Variants in BORCS8 observed in about 807,000 individuals in gnomAD.
BORCS8 encodes BLOC-1 related complex subunit 8, also known as BLOC-1-related complex subunit 8.
BORCS8 carries 13 observed loss-of-function variants against 18.7 expected under a neutral mutation model. The observed-to-expected ratio is 0.70, with a 90% confidence interval of 0.45 to 1.11. The LOEUF is 1.11. Among genes scored for constraint, BORCS8 ranks in the 50% least tolerant of loss-of-function variants. BORCS8 has a pLI of 0.00. For synonymous variants in BORCS8, 68 were observed against 64.8 expected (o/e 1.05, Z -0.24); for missense variants, 165 against 165.7 (o/e 1.00, Z 0.02).
chr19:19,188,988 C>T (rs1009959136), intron 1 of BORCS8, among the ~76,000 whole-genome samples: 2 of 152,156 alleles, frequency 1.3e-5, no homozygotes, highest in African/African-American at 4.8e-5. Context: ...GCACCCGCCA[C>T]CACGCCTGGC....
At position 19,182,781 on chromosome 19, in the gene BORCS8, T is replaced by C; in HGVS notation, c.216-98A>G. ...TCACCACCAGGGCTCGGTGGGTACC[T>C]CAGTGATTCTGCGGGCTTCCCGAAG... On this transcript the variant is annotated intron_variant, in intron 3 of 5. Transcript: ENST00000462790. The surrounding 1 kb of genome is among the most constrained non-coding windows in gnomAD (Gnocchi z 4.1). 1.4e-6 allele frequency: 2 copies of C among 1,419,430 alleles called. No individual in the cohort carries two copies. Among genetic ancestry groups the C allele is most frequent in the Non-Finnish European group, 1.9e-6 (2 of 1,076,494 alleles). 87.9% of individuals were successfully genotyped at this position (1,419,430 alleles called of 1,614,324 possible).
At chr19:19,184,111 C>A (rs1042956286) in intron 3 of BORCS8, among the ~76,000 whole-genome samples, 3 of 151,402 alleles carry the variant, frequency 2.0e-5, no homozygotes, top group Non-Finnish European at 4.4e-5. Flanking sequence ...TTAACTCCTG[C>A]CGCAAGTGAT....
At chr19:19,181,973 G>A (rs1159872065) in intron 4 of BORCS8, 3 of 985,330 alleles carry the variant, frequency 3.0e-6, no homozygotes, top group East Asian at 2.3e-4. Context: ...CAAGGACTGT[G>A]AGTGCTTTTC....
chr19:19,188,959 C>G (rs1460858324), intron 1 of BORCS8, among the ~76,000 whole-genome samples: 1 of 151,994 alleles, frequency 6.6e-6, no homozygotes, highest in East Asian at 1.9e-4. Context: ...CTCAGCCTCC[C>G]GAGTAGCTGG....
At chr19:19,187,087 A>G (rs2060416885) in intron 1 of BORCS8, 82 bp from the exon 2 acceptor site, 1 of 1,084,782 alleles carries the variant, frequency 9.2e-7, no homozygotes, top group African/African-American at 1.6e-5. Flanking sequence ...GAGCCCAGCC[A>G]GAGCAAAGGG....
Position 19,182,355 on chromosome 19 carries a change from C to G in BORCS8, c.326+218G>C, listed in dbSNP as rs2060357324. On this transcript the variant is annotated intron_variant, in intron 4 of 5. Transcript: ENST00000462790. This position sits in a 1 kb window ranked among gnomAD's most constrained non-coding sequence, Gnocchi z 4.1. ...TCGGTCACTGCTATGTCCCCAGTGCCCAGCCCAGGGCCAGGCACACAGCAG... is the reference window on the plus strand; with the variant it reads ...TCGGTCACTGCTATGTCCCCAGTGCGCAGCCCAGGGCCAGGCACACAGCAG... 7.8e-7 allele frequency: 1 copy of G among 1,278,784 alleles called. No individual in the cohort carries two copies. Among genetic ancestry groups the G allele is most frequent in the African/African-American group, 1.5e-5 (1 of 66,588 alleles). The allele number at this position is 1,278,784 out of a possible 1,614,324, so 79.2% of individuals were successfully genotyped here.
intron 3 of BORCS8, 22 bp downstream of exon 3, chr19:19,186,012 G>C (rs1483661918): frequency 6.5e-7 from 1 of 1,549,266 alleles, no homozygotes; most frequent in Admixed American, 2.0e-5. Flanking sequence ...TGGCCCTGCA[G>C]CGGGGAGGCT....
At chr19:19,191,656 T>C (rs1055052721) in intron 1 of BORCS8, among the ~76,000 whole-genome samples, 6 of 152,004 alleles carry the variant, frequency 3.9e-5, no homozygotes, top group Admixed American at 1.3e-4. Flanking sequence ...CCCACTGCAG[T>C]GCAGCCTTGA....
intron 1 of BORCS8, among the ~76,000 whole-genome samples, chr19:19,190,560 G>A (rs958865430): frequency 4.6e-5 from 7 of 152,216 alleles, no homozygotes; most frequent in African/African-American, 1.4e-4. Context: ...AGGCCGAAGC[G>A]GGAGGATCAC....
intron 1 of BORCS8, 56 bp downstream of exon 1, chr19:19,192,025 G>T: frequency 6.5e-7 from 1 of 1,547,864 alleles, no homozygotes; most frequent in Non-Finnish European, 8.7e-7. Context: ...GCCTTTGTCA[G>T]GCCGCCCCTC....
rs1277792869 is a variant in BORCS8 at position 19,177,124 on chromosome 19, A to T, written c.*379T>A. ...TTGGGTCACGTGTCCATCTCAAACC[A>T]ATCACTAGGAACCTAGGACAAGGGA... On this transcript the variant is annotated 3_prime_UTR_variant, in exon 6 of 6. Transcript: ENST00000462790. The T allele has an allele frequency of 6.6e-6, 1 of 152,074 alleles. No homozygotes were observed. Among genetic ancestry groups the T allele is most frequent in the African/African-American group, 2.4e-5 (1 of 41,416 alleles). The allele number at this position is 152,074 out of a possible 1,614,324, so 9.4% of individuals were successfully genotyped here.
intron 3 of BORCS8, among the ~76,000 whole-genome samples, chr19:19,183,757 G>A (rs2060375653): frequency 6.6e-6 from 1 of 150,420 alleles, no homozygotes. Context: ...GCTAATTTTT[G>A]TACTTTTAGT....
chr19:19,187,386 A>G (rs1340079496), intron 1 of BORCS8, among the ~76,000 whole-genome samples: 1 of 151,602 alleles, frequency 6.6e-6, no homozygotes, highest in East Asian at 2.0e-4. Flanking sequence ...GAGGCAGGAG[A>G]AATCACTTGA....
chr19:19,181,857 C>A, intron 4 of BORCS8: 1 of 985,466 alleles, frequency 1.0e-6, no homozygotes, highest in Non-Finnish European at 1.2e-6. Context: ...AGGCGACATT[C>A]CTGCTCCTGG....
intron 5 of BORCS8, chr19:19,179,890 G>A (rs2060332979): frequency 6.5e-6 from 1 of 152,722 alleles, no homozygotes; most frequent in Non-Finnish European, 1.5e-5. Flanking sequence ...CAGCCACCAG[G>A]AGAAACCCGG....
At chr19:19,187,041 G>A (rs1214046045) in intron 1 of BORCS8, 36 bp from the exon 2 acceptor site, 3 of 1,485,252 alleles carry the variant, frequency 2.0e-6, no homozygotes, top group Non-Finnish European at 2.7e-6. Context: ...CGGGTGTGGG[G>A]AGACAAAGCG....
At chr19:19,186,008 T>C in intron 3 of BORCS8, 26 bp downstream of exon 3, 2 of 1,548,738 alleles carry the variant, frequency 1.3e-6, no homozygotes, top group Non-Finnish European at 1.7e-6. Flanking sequence ...AAGGTGGCCC[T>C]GCAGCGGGGA....
At chr19:19,188,421 G>T (rs1436738234) in intron 1 of BORCS8, among the ~76,000 whole-genome samples, 1 of 151,758 alleles carries the variant, frequency 6.6e-6, no homozygotes, top group Non-Finnish European at 1.5e-5. Flanking sequence ...GCCTCCCAAA[G>T]TGCTGGGATT....
At chr19:19,188,350 G>A (rs188509430) in intron 1 of BORCS8, among the ~76,000 whole-genome samples, 24 of 151,916 alleles carry the variant, frequency 1.6e-4, no homozygotes, top group Admixed American at 5.2e-4. Context: ...TAGAGACAAG[G>A]TCTTGCTATG....
Sources: allele counts gnomAD v4.1 joint callset (sites outside exome capture counted in the v4.1 genomes callset), GRCh38; gene constraint gnomAD v4.1.1; non-coding constraint Gnocchi (gnomAD v3.1); transcripts MANE v1.5; gene names NCBI Gene and HGNC (gene_info 2026-07-23, HGNC 2026-07-21).